The following APBB1 variants were observed in gnomAD, a reference collection of about 807,000 sequenced individuals.
APBB1 encodes the protein adaptor protein FE65a2.
A neutral mutation model predicts 78.4 loss-of-function variants in APBB1; 22 were observed. The observed-to-expected ratio is 0.28, with a 90% CI of 0.20 to 0.40. The LOEUF (loss-of-function observed/expected upper bound fraction) is 0.40, where lower values mean the gene tolerates loss of function less well. Among genes scored for constraint, APBB1 ranks in the 10% least tolerant of loss-of-function variants. The pLI is 1.00. For synonymous variants in APBB1, 369 were observed against 372.7 expected, an observed-to-expected ratio of 0.99 and a Z score of 0.12; for missense variants, 749 against 932.4, an observed-to-expected ratio of 0.80 and a Z score of 2.56.
At position 6,403,901 on chromosome 11, in the gene APBB1, A is replaced by G. The variant is rs1181254524; in HGVS notation, c.722-79T>C. On this transcript the variant is annotated intron_variant, in intron 2 of 14. Coordinates refer to ENST00000609360, the MANE Select transcript of APBB1 (RefSeq NM_001164.5). The surrounding 1 kb of genome is among the most constrained non-coding windows in gnomAD (Gnocchi z 5.3). ...GTGCCTATGCCCGGTCCCCTCTGAGACCCCATGGTTGAGAAGGGGTGGTGG... is the reference window on the plus strand; with the variant it reads ...GTGCCTATGCCCGGTCCCCTCTGAGGCCCCATGGTTGAGAAGGGGTGGTGG... 1 of 1,453,234 alleles carries G rather than the reference A, an allele frequency of 6.9e-7. No individual in the cohort carries two copies. The highest frequency in any genetic ancestry group is 2.3e-5 in the East Asian group (1 of 43,216). The allele number at this position is 1,453,234 out of a possible 1,614,324, so 90.0% of individuals were successfully genotyped here. A position where few individuals can be genotyped will look rare whatever the true frequency, so the allele number is the denominator to read the frequency against.
chr11:6,405,030 G>C, intron 2 of APBB1: 1 of 1,420,620 alleles, frequency 7.0e-7, no homozygotes, highest in South Asian at 1.5e-5. Flanking sequence ...GGAGGAGAAA[G>C]GGAGGTTCAT....
intron 6 of APBB1, among the ~76,000 whole-genome samples, 178 bp downstream of exon 6, chr11:6,402,967 G>A (rs1296206414): frequency 1.3e-5 from 2 of 152,008 alleles, no homozygotes; most frequent in African/African-American, 4.8e-5. Flanking sequence ...CTGTTGGGCT[G>A]GTTGATTTAA....
chr11:6,396,094 C>A lies in APBB1; in HGVS notation c.1788+6G>T, dbSNP rs1190242419. ...CGCAGCCACGACTTCTACCCCAGCT[C>A]TTTACCTGCTGGTGCAAGATGGTGA... On this transcript the variant is annotated splice_donor_region_variant and intron_variant, in intron 13 of 14. Coordinates refer to ENST00000609360, the MANE Select transcript of APBB1 (RefSeq NM_001164.5). The A allele has an allele frequency of 6.4e-7, 1 of 1,573,052 alleles. No individual in the cohort carries two copies. The highest frequency in any genetic ancestry group is 2.4e-5 in the East Asian group (1 of 42,528).
chr11:6,396,189 C>T lies in APBB1; in HGVS notation c.1699G>A (p.Glu567Lys), dbSNP rs775846607. 1.1e-5 allele frequency: 17 copies of T among 1,551,200 alleles called. No individual in the cohort carries two copies. Among genetic ancestry groups the T allele is most frequent in the Non-Finnish European group, 1.5e-5 (17 of 1,146,966 alleles). The change falls in exon 13 of 15, where the codon GAG (glutamate) becomes AAG (lysine). Residue 567 changes from glutamate (E) to lysine (K), a missense_variant. Glu to Lys is a moderately conservative substitution (Grantham distance 56). Around this residue, in one of 3 missense-constraint regions of APBB1, gnomAD observed 635 missense variants for 765.0 expected, o/e 0.83. Transcript: ENST00000609360. ...VGVDVINGAL[E>K]SVLSSSSREQ... ...CGGCTGCTGGAGGACAGGACTGACT[C>T]GAGGGCCCCATTAATCACATCTACC...
chr11:6,400,961 G>C, intron 12 of APBB1, 28 bp downstream of exon 12: 1 of 1,601,654 alleles, frequency 6.2e-7, no homozygotes, highest in Non-Finnish European at 8.6e-7. Flanking sequence ...CAAGGTAGCA[G>C]CCCCTGGGTA....
rs1165643113 is a variant in APBB1, at chr11:6,413,223, C to T, written c.-14-1862G>A. The stretch of plus-strand genomic sequence containing the variant: ...TTCAGACAGCCCCTACCACATTACT[C>T]TCTCCTCCCTCGATGGCCTCACTGA... On this transcript the variant is annotated intron_variant, in intron 1 of 14. Coordinates refer to ENST00000609360, the MANE Select transcript of APBB1 (RefSeq NM_001164.5). Among the ~76,000 whole-genome samples, 3 of 152,058 alleles carry T rather than the reference C, an allele frequency of 2.0e-5. No homozygotes were observed. The East Asian group carries it at 5.8e-4, about 29-fold the overall frequency.
chr11:6,402,828 C>G (rs1192869078), intron 6 of APBB1, 103 bp from the exon 7 acceptor site: 51 of 1,427,252 alleles, frequency 3.6e-5, no homozygotes, highest in Non-Finnish European at 4.8e-5. Flanking sequence ...TGAACTAAGA[C>G]GGAGAAGCTC....
intron 2 of APBB1, among the ~76,000 whole-genome samples, chr11:6,406,350 C>T (rs1442253809): frequency 2.0e-5 from 3 of 152,142 alleles, no homozygotes; most frequent in Non-Finnish European, 4.4e-5. Context: ...AAAGCTTTCC[C>T]CTTCTCTCCA....
At chr11:6,418,299 T>C (rs150112741) in intron 1 of APBB1, among the ~76,000 whole-genome samples, 1 of 152,310 alleles carries the variant, frequency 6.6e-6, no homozygotes, top group Non-Finnish European at 1.5e-5. Context: ...TCCGGTGACC[T>C]TGGCCTAGAC....
intron 12 of APBB1, among the ~76,000 whole-genome samples, chr11:6,396,930 T>C (rs1185919391): frequency 2.0e-5 from 3 of 152,212 alleles, no homozygotes; most frequent in African/African-American, 7.2e-5. Context: ...CAAGAATGTC[T>C]ATAATGTGCT....
chr11:6,411,177 ACCCTCC>A lies in APBB1; in HGVS notation c.165_170del (p.Glu56_Gly57del). The A allele has an allele frequency of 6.2e-7, 1 of 1,607,568 alleles. No homozygotes were observed. Among genetic ancestry groups the A allele is most frequent in the Non-Finnish European group, 8.5e-7 (1 of 1,178,964 alleles). Reference sequence around the variant, plus strand: ...TGGCAGGGCCTGGCTCAGGCCCACCACCCTCCCCCATGGCGCTGCGCAGGTCCTTGG... The same window carrying A: ...TGGCAGGGCCTGGCTCAGGCCCACCACCCATGGCGCTGCGCAGGTCCTTGG... On this transcript the variant is annotated inframe_deletion, in exon 2 of 15. Coordinates refer to ENST00000609360, the MANE Select transcript of APBB1 (RefSeq NM_001164.5). This position sits in a 1 kb window ranked among gnomAD's most constrained non-coding sequence, Gnocchi z 5.2.
intron 12 of APBB1, 181 bp from the exon 13 acceptor site, chr11:6,396,396 A>G (rs1344557654): frequency 8.7e-6 from 5 of 574,454 alleles, no homozygotes; most frequent in South Asian, 4.5e-5. Flanking sequence ...CCCTGGCTTC[A>G]GTAACTGGAC....
intron 6 of APBB1, 173 bp from the exon 7 acceptor site, chr11:6,402,898 G>A (rs538288000): frequency 4.0e-5 from 34 of 858,780 alleles, no homozygotes; most frequent in Non-Finnish European, 5.1e-5. Context: ...GATGTCAGAT[G>A]AGACCCCAGC....
Position 6,411,964 on chromosome 11 carries a change from G to A in APBB1, c.-14-603C>T, listed in dbSNP as rs969903679. ...CTGGAAGGCAGGTCACAGAGGGAGGGCGCTCGGCTGCAATTCATGGCTTCT... is the reference window on the plus strand; with the variant it reads ...CTGGAAGGCAGGTCACAGAGGGAGGACGCTCGGCTGCAATTCATGGCTTCT... On this transcript the variant is annotated intron_variant, in intron 1 of 14. Coordinates refer to ENST00000609360, the MANE Select transcript of APBB1 (RefSeq NM_001164.5). The surrounding 1 kb of genome is among the most constrained non-coding windows in gnomAD (Gnocchi z 5.2). 6.6e-6 allele frequency among the ~76,000 whole-genome samples: 1 copy of A among 152,220 alleles called. No individual in the cohort carries two copies. The highest frequency in any genetic ancestry group is 6.5e-5 in the Admixed American group (1 of 15,284).
chr11:6,411,873 C>T lies in APBB1; in HGVS notation c.-14-512G>A, dbSNP rs1194191060. On this transcript the variant is annotated intron_variant, in intron 1 of 14. Transcript: ENST00000609360. This position sits in a 1 kb window ranked among gnomAD's most constrained non-coding sequence, Gnocchi z 5.2. Reference sequence around the variant, plus strand: ...TCAGCTCAACCAGCCCCCAAGCCCACCCCATACTAGGGACTGTGAGGACAG... The same window carrying T: ...TCAGCTCAACCAGCCCCCAAGCCCATCCCATACTAGGGACTGTGAGGACAG... Among the ~76,000 whole-genome samples, 2 of 152,248 alleles carry T rather than the reference C, an allele frequency of 1.3e-5. No homozygotes were observed. The highest frequency in any genetic ancestry group is 1.9e-4 in the East Asian group (1 of 5,200).
chr11:6,411,213 C>T lies in APBB1; in HGVS notation c.135G>A (p.Val45=). The change falls in exon 2 of 15, where the codon GTG becomes GTA. Residue 45 remains valine, a synonymous_variant. Transcript: ENST00000609360. The surrounding 1 kb of genome is among the most constrained non-coding windows in gnomAD (Gnocchi z 5.2). ...TGGCGCTGCGCAGGTCCTTGGGTCC[C>T]ACAGCTGTGGCCTGCAGCTTGGCGT... ...LLNAKLQATA[V]GPKDLRSAMG... The T allele has an allele frequency of 6.2e-7, 1 of 1,607,710 alleles. No individual in the cohort carries two copies. Among genetic ancestry groups the T allele is most frequent in the Non-Finnish European group, 8.5e-7 (1 of 1,178,556 alleles).
chr11:6,412,945 C>T (rs564359692), intron 1 of APBB1, among the ~76,000 whole-genome samples: 19 of 152,178 alleles, frequency 1.2e-4, no homozygotes, highest in South Asian at 1.2e-3. Context: ...CACAGCCCTT[C>T]GTGGGTCAGT....
intron 2 of APBB1, among the ~76,000 whole-genome samples, chr11:6,407,167 T>C (rs1052193834): frequency 1.3e-5 from 2 of 152,188 alleles, no homozygotes; most frequent in Non-Finnish European, 2.9e-5. Flanking sequence ...CTCATGGTCA[T>C]AGCAACACAG....
chr11:6,396,961 G>T (rs1050963493), intron 12 of APBB1, among the ~76,000 whole-genome samples: 9 of 152,174 alleles, frequency 5.9e-5, no homozygotes, highest in Non-Finnish European at 1.0e-4. Context: ...GGAACCCAAG[G>T]TTCCTGACTT....
Sources: gnomAD v4.1 joint callset for allele counts (sites outside exome capture counted in the v4.1 genomes callset) on GRCh38, gnomAD v4.1.1 for gene constraint, gnomAD v4.1.1 regional missense constraint, Gnocchi (gnomAD v3.1) non-coding constraint, MANE v1.5 for transcripts, NCBI Gene and HGNC (gene_info 2026-07-23, HGNC 2026-07-21) for gene names.